PCCA: variants seen among roughly 807,000 people sequenced by gnomAD.
PCCA encodes the protein propionyl-CoA carboxylase alpha chain, mitochondrial.
PCCA carries 74 observed loss-of-function variants against 101.3 expected under a neutral mutation model. The ratio of observed to expected loss-of-function variants is 0.73; its 90% CI spans 0.61 to 0.89. The LOEUF (loss-of-function observed/expected upper bound fraction) is 0.89. PCCA is among the 40% of genes least tolerant of loss of function. The pLI is 0.00. For synonymous variants in PCCA, 294 were observed against 313.6 expected (o/e 0.94, Z 0.66); for missense variants, 891 against 907.0 (o/e 0.98, Z 0.23).
chr13:100,309,341 G>A (rs1366173733), intron 15 of PCCA, among the ~76,000 whole-genome samples: 1 of 152,232 alleles, frequency 6.6e-6, no homozygotes, highest in South Asian at 2.1e-4. Context: ...AGGTTGCAGT[G>A]AGCTGAGATT....
intron 21 of PCCA, among the ~76,000 whole-genome samples, chr13:100,494,157 C>G (rs2085104097): frequency 1.3e-5 from 2 of 151,818 alleles, no homozygotes; most frequent in Admixed American, 1.3e-4. Flanking sequence ...CCACTGTACT[C>G]CAGCCTGGTG....
intron 4 of PCCA, among the ~76,000 whole-genome samples, chr13:100,131,755 G>A (rs756682120): frequency 1.6e-4 from 24 of 152,108 alleles, no homozygotes; most frequent in Non-Finnish European, 2.2e-4. Flanking sequence ...AACAAATACC[G>A]TTGAGCACTT....
In PCCA at chr13:100,157,301, T is replaced by C; in HGVS notation, c.429T>C (p.Tyr143=). ...KTRAQAVHPG[Y]GFLSENKEFA... ...TCATTTCTAAGGTACATCCAGGTTA[T>C]GGATTCCTTTCAGAAAACAAAGAAT... The change falls in exon 6 of 24, where the codon TAT becomes TAC. Residue 143 remains tyrosine (Y), a synonymous_variant. Transcript: ENST00000376285. 2 of 1,610,990 alleles carry C rather than the reference T, an allele frequency of 1.2e-6. No individual in the cohort carries two copies. Among genetic ancestry groups the C allele is most frequent in the Non-Finnish European group, 1.7e-6 (2 of 1,177,310 alleles).
At chr13:100,508,906 A>G (rs1010046660) in intron 21 of PCCA, among the ~76,000 whole-genome samples, 4 of 151,984 alleles carry the variant, frequency 2.6e-5, no homozygotes, top group Admixed American at 2.6e-4. Context: ...TTTTAATATT[A>G]TTTAGCATAA....
At chr13:100,461,206 A>G (rs888689532) in intron 21 of PCCA, among the ~76,000 whole-genome samples, 4 of 152,232 alleles carry the variant, frequency 2.6e-5, no homozygotes. Flanking sequence ...GCAGCTACAC[A>G]GTTGCAACTG....
chr13:100,136,900 A>T (rs895022941), intron 4 of PCCA, among the ~76,000 whole-genome samples: 1 of 151,644 alleles, frequency 6.6e-6, no homozygotes, highest in African/African-American at 2.4e-5. Context: ...AATTATTGAT[A>T]TCTCCTCTGT....
At chr13:100,281,630 GTTAC>G (rs1375570099) in intron 12 of PCCA, among the ~76,000 whole-genome samples, 41 of 152,242 alleles carry the variant, frequency 2.7e-4, no homozygotes, top group African/African-American at 7.7e-4. Context: ...CAATGGAAAA[GTTAC>G]TCTCCATACC....
chr13:100,201,857 C>CAAAAAAAAAAAAAAAAAAAAAAAAAAAAA (rs55669622), intron 6 of PCCA, among the ~76,000 whole-genome samples: 1 of 60,732 alleles, frequency 1.6e-5, no homozygotes, highest in Non-Finnish European at 2.8e-5. Context: ...AACTGCGTCT[C>CAAAAAAAAAAAAAAAAAAAAAAAAAAAAA]AAAAAAAAAA....
At chr13:100,494,647 C>T (rs1041209057) in intron 21 of PCCA, among the ~76,000 whole-genome samples, 9 of 150,678 alleles carry the variant, frequency 6.0e-5, no homozygotes, top group African/African-American at 2.2e-4. Flanking sequence ...CGCGCTATTG[C>T]ACTCTAGCCT....
intron 12 of PCCA, among the ~76,000 whole-genome samples, chr13:100,282,086 T>C (rs1187671153): frequency 6.6e-6 from 1 of 152,258 alleles, no homozygotes; most frequent in African/African-American, 2.4e-5. Context: ...GATTCATTTA[T>C]ATTTCTGTGA....
chr13:100,407,636 A>G (rs902564886), intron 19 of PCCA, among the ~76,000 whole-genome samples: 26 of 152,230 alleles, frequency 1.7e-4, no homozygotes. Context: ...CCTCTTCTGC[A>G]AGATTCATTT....
chr13:100,138,272 A>C (rs2051422394), intron 4 of PCCA, among the ~76,000 whole-genome samples: 1 of 152,048 alleles, frequency 6.6e-6, no homozygotes, highest in Non-Finnish European at 1.5e-5. Flanking sequence ...GTTTTTCTTC[A>C]AATTAATACT....
chr13:100,346,429 T>C (rs1043324461), intron 18 of PCCA, among the ~76,000 whole-genome samples: 10 of 152,222 alleles, frequency 6.6e-5, no homozygotes, highest in East Asian at 5.8e-4. Flanking sequence ...TGTGACTCAG[T>C]TGCTGCAATC....
intron 22 of PCCA, among the ~76,000 whole-genome samples, chr13:100,527,050 C>G (rs573810145): frequency 6.6e-6 from 1 of 151,530 alleles, no homozygotes; most frequent in African/African-American, 2.4e-5. Context: ...CAGGGCCGAG[C>G]TGTTCCCAGT....
intron 12 of PCCA, among the ~76,000 whole-genome samples, chr13:100,276,209 G>C (rs2063642994): frequency 1.7e-5 from 1 of 59,202 alleles, no homozygotes; most frequent in Non-Finnish European, 3.1e-5. Context: ...GAACTTGTCT[G>C]TACCAAAAAA....
At chr13:100,208,281 A>C (rs2058992650) in intron 6 of PCCA, among the ~76,000 whole-genome samples, 1 of 152,166 alleles carries the variant, frequency 6.6e-6, no homozygotes, top group Non-Finnish European at 1.5e-5. Context: ...GCAACAGGCT[A>C]CTCAGCTGCC....
At chr13:100,121,256 C>G (rs760535389) in intron 4 of PCCA, among the ~76,000 whole-genome samples, 3 of 146,398 alleles carry the variant, frequency 2.0e-5, no homozygotes, top group Non-Finnish European at 4.5e-5. Flanking sequence ...TCCCGGGGGT[C>G]AAGTGATTCT....
At chr13:100,338,618 G>T (rs2068451) in intron 17 of PCCA, among the ~76,000 whole-genome samples, 3,164 of 151,000 alleles carry the variant, frequency 0.021, 43 homozygotes, top group South Asian at 0.038. Flanking sequence ...AATCATATGG[G>T]ATGTTTTCAT....
At chr13:100,294,335 G>A (rs956270115) in intron 12 of PCCA, among the ~76,000 whole-genome samples, 3 of 152,126 alleles carry the variant, frequency 2.0e-5, no homozygotes, top group African/African-American at 7.2e-5. Flanking sequence ...TACGAATTTT[G>A]GGGGGTACAC....
Sources: gnomAD v4.1 joint callset for allele counts (sites outside exome capture counted in the v4.1 genomes callset) on GRCh38, gnomAD v4.1.1 for gene constraint, MANE v1.5 for transcripts, NCBI Gene and HGNC (gene_info 2026-07-23, HGNC 2026-07-21) for gene names.